WHRN: variants seen among roughly 807,000 people sequenced by gnomAD.
The protein encoded by WHRN is CASK-interacting protein CIP98.
In WHRN, 41 loss-of-function variants were observed where a neutral mutation model predicts 68.3. The ratio of observed to expected loss-of-function variants is 0.60; its 90% CI spans 0.47 to 0.78. WHRN has a LOEUF of 0.78. WHRN is among the 30% of genes least tolerant of loss of function. WHRN has a pLI of 0.00. For synonymous variants in WHRN, 560 were observed against 561.3 expected (o/e 1.00, Z 0.03); for missense variants, 1,243 against 1,244.7 (o/e 1.00, Z 0.02).
At chr9:114,490,123 T>G (rs376900535) in intron 1 of WHRN, among the ~76,000 whole-genome samples, 10 of 152,214 alleles carry the variant, frequency 6.6e-5, no homozygotes, top group African/African-American at 2.4e-4. Flanking sequence ...TCCGGCTCTG[T>G]GCGGCCACCT....
At chr9:114,430,868 A>G (rs1013037550) in intron 3 of WHRN, among the ~76,000 whole-genome samples, 2 of 152,088 alleles carry the variant, frequency 1.3e-5, no homozygotes, top group Admixed American at 6.6e-5. Flanking sequence ...TTCAAACCAA[A>G]GTGCTAGGTA....
At chr9:114,470,682 C>A (rs1409145833) in intron 2 of WHRN, among the ~76,000 whole-genome samples, 4 of 152,114 alleles carry the variant, frequency 2.6e-5, no homozygotes, top group Non-Finnish European at 5.9e-5. Flanking sequence ...CTGCCTTGAT[C>A]CCCATTCCTG....
At chr9:114,465,593 A>G (rs4979404) in intron 3 of WHRN, among the ~76,000 whole-genome samples, 115,640 of 151,926 alleles carry the variant, frequency 0.76, 44,274 homozygotes, top group East Asian at 0.99. Flanking sequence ...TGGGTCCAGC[A>G]TCCTCGTGAG....
intron 7 of WHRN, among the ~76,000 whole-genome samples, chr9:114,422,476 A>G (rs752272738): frequency 1.3e-5 from 2 of 152,150 alleles, no homozygotes; most frequent in African/African-American, 4.8e-5. Context: ...CCAAGCATCC[A>G]GGGGGCAGAA....
At chr9:114,424,914 C>T in intron 5 of WHRN, 74 bp downstream of exon 5, 1 of 1,517,506 alleles carries the variant, frequency 6.6e-7, no homozygotes, top group Non-Finnish European at 9.2e-7. Context: ...TCACTCGGCA[C>T]CCTCTGGCTG....
intron 2 of WHRN, among the ~76,000 whole-genome samples, chr9:114,475,510 A>G (rs1444935768): frequency 1.3e-5 from 2 of 152,264 alleles, no homozygotes; most frequent in African/African-American, 2.4e-5. Flanking sequence ...AGGGCTATAA[A>G]ACTATAACCA....
intron 1 of WHRN, among the ~76,000 whole-genome samples, chr9:114,495,550 A>G (rs1320372938): frequency 6.6e-6 from 1 of 152,252 alleles, no homozygotes; most frequent in Non-Finnish European, 1.5e-5. Context: ...GAAGGCAATT[A>G]AAAAATAGAT....
At chr9:114,419,328 T>C (rs896083588) in intron 7 of WHRN, among the ~76,000 whole-genome samples, 5 of 152,214 alleles carry the variant, frequency 3.3e-5, no homozygotes, top group African/African-American at 1.2e-4. Context: ...CACAGTGTCA[T>C]AGAGAACATT....
chr9:114,475,493 C>T (rs1589223772), intron 2 of WHRN, among the ~76,000 whole-genome samples: 1 of 152,314 alleles, frequency 6.6e-6, no homozygotes, highest in Non-Finnish European at 1.5e-5. Context: ...GAAGGACACT[C>T]CTGAAAAGGG....
chr9:114,444,650 A>G (rs1157840882), intron 3 of WHRN, among the ~76,000 whole-genome samples: 1 of 152,098 alleles, frequency 6.6e-6, no homozygotes, highest in Non-Finnish European at 1.5e-5. Context: ...TTCTCTTCAC[A>G]TATACAAGTA....
At chr9:114,417,227 T>C (rs1314609357) in intron 7 of WHRN, among the ~76,000 whole-genome samples, 1 of 152,214 alleles carries the variant, frequency 6.6e-6, no homozygotes, top group Non-Finnish European at 1.5e-5. Flanking sequence ...GGCTGCAGAA[T>C]GAGCCACATT....
At chr9:114,472,787 T>C (rs1841348099) in intron 2 of WHRN, among the ~76,000 whole-genome samples, 1 of 152,230 alleles carries the variant, frequency 6.6e-6, no homozygotes, top group Non-Finnish European at 1.5e-5. Context: ...CTGACGGTTG[T>C]TGCTGGAATT....
At chr9:114,478,915 C>G (rs1841883372) in intron 1 of WHRN, 144 bp from the exon 2 acceptor site, 1 of 785,354 alleles carries the variant, frequency 1.3e-6, no homozygotes, top group Non-Finnish European at 2.1e-6. Context: ...CCTTCTCTAG[C>G]CCTCGATTTT....
intron 1 of WHRN, among the ~76,000 whole-genome samples, chr9:114,487,463 A>C (rs1472630849): frequency 6.6e-6 from 1 of 152,146 alleles, no homozygotes; most frequent in African/African-American, 2.4e-5. Flanking sequence ...TTACCAGTTC[A>C]ATGACATAAA....
chr9:114,426,467 T>C, intron 3 of WHRN, 54 bp from the exon 4 acceptor site: 3 of 1,598,324 alleles, frequency 1.9e-6, no homozygotes, highest in South Asian at 2.2e-5. Context: ...GGATTCACAC[T>C]AGGGACTTCA....
At chr9:114,494,027 ACCCCTGACTGTGTG>A (rs908763856) in intron 1 of WHRN, among the ~76,000 whole-genome samples, 82 of 151,980 alleles carry the variant, frequency 5.4e-4, no homozygotes, top group Non-Finnish European at 6.5e-4. Flanking sequence ...TAGTCCCACC[ACCCCTGACTGTGTG>A]CCCCTGACTG....
chr9:114,417,198 G>C (rs1307046687), intron 7 of WHRN, among the ~76,000 whole-genome samples: 1 of 152,206 alleles, frequency 6.6e-6, no homozygotes, highest in Non-Finnish European at 1.5e-5. Context: ...GATTGACTGT[G>C]TCTGCTTTGA....
chr9:114,433,515 C>G (rs1487512618), intron 3 of WHRN, among the ~76,000 whole-genome samples: 2 of 152,164 alleles, frequency 1.3e-5, no homozygotes, highest in African/African-American at 4.8e-5. Context: ...AAGGAAAATT[C>G]AAATTCTATT....
In WHRN at chr9:114,429,117, G is replaced by C. The variant is rs147940086; in HGVS notation, c.964-2704C>G. On this transcript the variant is annotated intron_variant, in intron 3 of 11. Transcript: ENST00000362057. ...AGCTAACTTTTTGTATTTTAGTAGA[G>C]GTGGGGTTTTGCCATGTTGCCTAGA... Among the ~76,000 whole-genome samples, 1,288 of 152,250 alleles carry C rather than the reference G, an allele frequency of 8.5e-3. 17 individuals carry two copies. The highest frequency in any genetic ancestry group is 0.029 in the African/African-American group (1,213 of 41,544).
Sources: allele counts gnomAD v4.1 joint callset (sites outside exome capture counted in the v4.1 genomes callset), GRCh38; gene constraint gnomAD v4.1.1; transcripts MANE v1.5; gene names NCBI Gene and HGNC (gene_info 2026-07-23, HGNC 2026-07-21).